The following CCDC25 variants were observed in gnomAD, a reference collection of about 807,000 sequenced individuals.
CCDC25 encodes the protein coiled-coil domain containing 25.
CCDC25 carries 16 observed loss-of-function variants against 35.3 expected under a neutral mutation model. The ratio of observed to expected loss-of-function variants is 0.45; its 90% CI spans 0.31 to 0.69. The LOEUF (loss-of-function observed/expected upper bound fraction) is 0.69. CCDC25 is among the 30% of genes least tolerant of loss of function. The pLI is 0.06. For missense variants in CCDC25, 179 were observed against 250.7 expected, an observed-to-expected ratio of 0.71 and a Z score of 1.93; for synonymous variants, 79 against 80.3, an observed-to-expected ratio of 0.98 and a Z score of 0.09.
At chr8:27,736,999 T>C (rs1246171622) in intron 8 of CCDC25, among the ~76,000 whole-genome samples, 5 of 152,180 alleles carry the variant, frequency 3.3e-5, no homozygotes, top group Non-Finnish European at 7.3e-5. Flanking sequence ...CTCTTTCCCA[T>C]TGCTTAACAC....
rs909256753 is a variant in CCDC25, at chr8:27,733,816, T to C, written c.*2400A>G. ...TTGCCACCCTGCTCAGTTTTCCTCA[T>C]AAACGGTTCCAGCTTGGAAAACAAG... On this transcript the variant is annotated 3_prime_UTR_variant, in exon 9 of 9. Transcript: ENST00000356537. 6.6e-6 allele frequency: 1 copy of C among 152,188 alleles called. No homozygotes were observed. Among genetic ancestry groups the C allele is most frequent in the Non-Finnish European group, 1.5e-5 (1 of 68,036 alleles). The allele number at this position is 152,188 out of a possible 1,614,324, so 9.4% of individuals were successfully genotyped here.
At chr8:27,749,235 C>T (rs1336633581) in intron 5 of CCDC25, among the ~76,000 whole-genome samples, 1 of 152,186 alleles carries the variant, frequency 6.6e-6, no homozygotes, top group Non-Finnish European at 1.5e-5. Context: ...TTCACCGCCT[C>T]CTCCACCACT....
chr8:27,739,255 C>G (rs1343398228), intron 8 of CCDC25, among the ~76,000 whole-genome samples: 1 of 152,190 alleles, frequency 6.6e-6, no homozygotes, highest in African/African-American at 2.4e-5. Context: ...AGAAACATCT[C>G]TGATTCATAA....
At chr8:27,736,346 C>T (rs771903113) in intron 8 of CCDC25, 101 bp from the exon 9 acceptor site, 19 of 898,976 alleles carry the variant, frequency 2.1e-5, no homozygotes, top group Non-Finnish European at 3.1e-5. Context: ...TCATCTCAGT[C>T]ACTGAGTTCA....
intron 8 of CCDC25, 25 bp from the exon 9 acceptor site, chr8:27,736,270 C>T (rs1803221332): frequency 3.2e-6 from 5 of 1,557,528 alleles, no homozygotes; most frequent in Non-Finnish European, 4.4e-6. Flanking sequence ...AAAATGAGAA[C>T]ATAAAAGCCT....
chr8:27,768,047 A>T (rs1009962180), intron 1 of CCDC25, among the ~76,000 whole-genome samples: 1 of 151,412 alleles, frequency 6.6e-6, no homozygotes, highest in Non-Finnish European at 1.5e-5. Flanking sequence ...ATAAAAAAAA[A>T]ATTTTTTTAA....
chr8:27,754,364 A>T (rs1025472824), intron 4 of CCDC25, among the ~76,000 whole-genome samples: 3 of 152,252 alleles, frequency 2.0e-5, no homozygotes, highest in Admixed American at 6.5e-5. Context: ...TAATCTAATC[A>T]ACCAGGGGAT....
chr8:27,772,602 G>T lies in CCDC25; in HGVS notation c.-62C>A, dbSNP rs950411931. The T allele has an allele frequency of 5.9e-6, 9 of 1,513,650 alleles. No individual in the cohort carries two copies. Among genetic ancestry groups the T allele is most frequent in the Non-Finnish European group, 8.1e-6 (9 of 1,117,272 alleles). 93.8% of individuals were successfully genotyped at this position (1,513,650 alleles called of 1,614,324 possible). ...AGCAGCGCTCAACTCACGAAGCTCA[G>T]GATACCAGACTCGCGGCGGCCGCCT... is the stretch of plus-strand genomic sequence containing the variant. On this transcript the variant is annotated 5_prime_UTR_variant, in exon 1 of 9. In the 5' UTR this introduces an upstream ATG that the reference lacks. Transcript: ENST00000356537.
At chr8:27,748,019 T>C in intron 7 of CCDC25, 58 bp downstream of exon 7, 1 of 1,533,252 alleles carries the variant, frequency 6.5e-7, no homozygotes, top group Non-Finnish European at 9.0e-7. Context: ...TAATACATGA[T>C]TAAAATCATC....
intron 5 of CCDC25, among the ~76,000 whole-genome samples, chr8:27,749,134 CT>C (rs1267608708): frequency 1.3e-5 from 2 of 152,268 alleles, no homozygotes; most frequent in African/African-American, 4.8e-5. Flanking sequence ...CAGTGGAACC[CT>C]TTTACCAAAG....
chr8:27,744,581 AAG>A (rs1803545174), intron 7 of CCDC25, among the ~76,000 whole-genome samples: 1 of 152,206 alleles, frequency 6.6e-6, no homozygotes, highest in South Asian at 2.1e-4. Context: ...TTCATCCTGT[AAG>A]TCTATTCCCC....
chr8:27,770,075 T>C (rs1279219819), intron 1 of CCDC25, among the ~76,000 whole-genome samples: 2 of 151,708 alleles, frequency 1.3e-5, no homozygotes, highest in African/African-American at 2.4e-5. Context: ...ACCCAGGAGG[T>C]AGAGGTTGCA....
chr8:27,766,376 T>C (rs1489912874), intron 1 of CCDC25, among the ~76,000 whole-genome samples: 1 of 151,562 alleles, frequency 6.6e-6, no homozygotes, highest in Non-Finnish European at 1.5e-5. Flanking sequence ...CTTTCAGTAA[T>C]GAGAAGCTTC....
chr8:27,739,726 T>A (rs1403391471), intron 8 of CCDC25, among the ~76,000 whole-genome samples: 1 of 152,158 alleles, frequency 6.6e-6, no homozygotes, highest in Admixed American at 6.6e-5. Flanking sequence ...CAATCCCCCA[T>A]GAATACTGAA....
At chr8:27,764,465 G>A (rs1476708982) in intron 2 of CCDC25, 1 of 387,078 alleles carries the variant, frequency 2.6e-6, no homozygotes, top group Non-Finnish European at 5.1e-6. Flanking sequence ...TTTTTGTAGA[G>A]ACAGGGTCTC....
intron 1 of CCDC25, among the ~76,000 whole-genome samples, chr8:27,768,628 T>C (rs1387041177): frequency 6.6e-6 from 1 of 151,472 alleles, no homozygotes; most frequent in African/African-American, 2.4e-5. Flanking sequence ...GCACAACAAG[T>C]CTGAATTAAG....
chr8:27,745,723 C>T (rs1323869041), intron 7 of CCDC25, among the ~76,000 whole-genome samples: 1 of 152,216 alleles, frequency 6.6e-6, no homozygotes, highest in Non-Finnish European at 1.5e-5. Context: ...GCAATGTCAC[C>T]GCGTTCCATT....
rs903927255 is a variant in CCDC25 at position 27,735,979 on chromosome 8, A to G, written c.*237T>C. 1 of 426,854 alleles carries G rather than the reference A, an allele frequency of 2.3e-6. No homozygotes were observed. The highest frequency in any genetic ancestry group is 4.2e-6 in the Non-Finnish European group (1 of 240,418). The allele number at this position is 426,854 out of a possible 1,614,324, so 26.4% of individuals were successfully genotyped here. A position where few individuals can be genotyped will look rare whatever the true frequency, so the allele number is the denominator to read the frequency against. On this transcript the variant is annotated 3_prime_UTR_variant, in exon 9 of 9. Transcript: ENST00000356537. ...CAAGGTACCAAGACATGTTCTGGCA[A>G]AAACATTTTCACTTTAAGTTATATG...
At chr8:27,758,975 A>G (rs529640473) in intron 3 of CCDC25, among the ~76,000 whole-genome samples, 58 of 152,360 alleles carry the variant, frequency 3.8e-4, no homozygotes, top group African/African-American at 1.4e-3. Flanking sequence ...GGATGAAAGT[A>G]TAAGAGAAAA....
Sources: gnomAD v4.1 joint callset for allele counts (sites outside exome capture counted in the v4.1 genomes callset) on GRCh38, gnomAD v4.1.1 for gene constraint, MANE v1.5 for transcripts, NCBI Gene and HGNC (gene_info 2026-07-23, HGNC 2026-07-21) for gene names.